The following GRM7 variants were observed in gnomAD, a reference collection of about 807,000 sequenced individuals.
The protein encoded by GRM7 is metabotropic glutamate receptor 7.
In GRM7, 35 loss-of-function variants were observed where a neutral mutation model predicts 84.5. The ratio of observed to expected loss-of-function variants is 0.41; its 90% CI spans 0.32 to 0.55. The LOEUF (loss-of-function observed/expected upper bound fraction) is 0.55. Among genes scored for constraint, GRM7 ranks in the 20% least tolerant of loss-of-function variants. The pLI, the probability that GRM7 is intolerant of heterozygous loss-of-function variation, is 0.19. For synonymous variants in GRM7, 487 were observed against 455.1 expected (o/e 1.07, Z -0.89); for missense variants, 1,003 against 1,194.6 (o/e 0.84, Z 2.36).
At chr3:7,638,330 G>C (rs189143114) in intron 8 of GRM7, among the ~76,000 whole-genome samples, 133 of 151,806 alleles carry the variant, frequency 8.8e-4, no homozygotes, top group South Asian at 3.7e-3. Flanking sequence ...CAGTAATTTA[G>C]TTTGCAATGC....
At chr3:7,724,685 T>G (rs568815139) in intron 9 of GRM7, among the ~76,000 whole-genome samples, 1 of 152,200 alleles carries the variant, frequency 6.6e-6, no homozygotes, top group Non-Finnish European at 1.5e-5. Context: ...GAACGTTGAG[T>G]TGGGGCCTGT....
chr3:7,493,025 T>C (rs1049051102), intron 7 of GRM7, among the ~76,000 whole-genome samples: 10 of 152,134 alleles, frequency 6.6e-5, no homozygotes, highest in African/African-American at 2.4e-4. Flanking sequence ...ATTTCATTGC[T>C]GTTCTAGAGC....
intron 1 of GRM7, among the ~76,000 whole-genome samples, chr3:6,989,160 A>G (rs1213443062): frequency 6.6e-6 from 1 of 152,216 alleles, no homozygotes; most frequent in East Asian, 1.9e-4. Context: ...CATTTTACAC[A>G]AAGAGATTTC....
At chr3:7,336,982 A>G (rs1439187532) in intron 4 of GRM7, among the ~76,000 whole-genome samples, 1 of 152,128 alleles carries the variant, frequency 6.6e-6, no homozygotes. Context: ...AAAGCAATCT[A>G]TAAATTCAAT....
intron 8 of GRM7, among the ~76,000 whole-genome samples, chr3:7,670,671 G>A (rs1260247599): frequency 0.011 from 1 of 90 alleles, no homozygotes; most frequent in Non-Finnish European, 0.023. Flanking sequence ...TGACAGCATT[G>A]TACTATACAA....
chr3:7,339,856 G>A (rs937999527), intron 4 of GRM7, among the ~76,000 whole-genome samples: 3 of 152,078 alleles, frequency 2.0e-5, no homozygotes, highest in African/African-American at 7.2e-5. Context: ...AGTATGAAAG[G>A]ATTCCAGTGA....
chr3:7,616,381 C>A (rs1261978657), intron 8 of GRM7, among the ~76,000 whole-genome samples: 1 of 152,126 alleles, frequency 6.6e-6, no homozygotes. Context: ...ACTTATCCTT[C>A]ATGAAATGTT....
chr3:6,980,804 C>T (rs1694169798), intron 1 of GRM7, among the ~76,000 whole-genome samples: 1 of 152,100 alleles, frequency 6.6e-6, no homozygotes, highest in Non-Finnish European at 1.5e-5. Context: ...TTGCTTATTA[C>T]CACAAAGAGA....
At chr3:7,495,179 A>C (rs1371767434) in intron 7 of GRM7, among the ~76,000 whole-genome samples, 1 of 151,948 alleles carries the variant, frequency 6.6e-6, no homozygotes, top group East Asian at 1.9e-4. Flanking sequence ...TTGCAGAGCT[A>C]TTTTTGCTAG....
chr3:7,611,699 G>A (rs564728195), intron 8 of GRM7, among the ~76,000 whole-genome samples: 43 of 152,066 alleles, frequency 2.8e-4, no homozygotes, highest in Non-Finnish European at 5.6e-4. Flanking sequence ...CATCAACTGG[G>A]AGCATTGTAG....
At chr3:7,378,425 A>G (rs1575245683) in intron 4 of GRM7, among the ~76,000 whole-genome samples, 1 of 152,218 alleles carries the variant, frequency 6.6e-6, no homozygotes, top group African/African-American at 2.4e-5. Flanking sequence ...TTCTACTTGC[A>G]TAAGCTAAAC....
intron 2 of GRM7, among the ~76,000 whole-genome samples, chr3:7,238,944 C>T: frequency 1.4e-5 from 2 of 141,824 alleles, no homozygotes; most frequent in Non-Finnish European, 1.5e-5. Context: ...TTGTTTTTCT[C>T]TTTTCCTTTT....
At chr3:7,022,899 C>T (rs146052641) in intron 1 of GRM7, among the ~76,000 whole-genome samples, 1 of 152,194 alleles carries the variant, frequency 6.6e-6, no homozygotes, top group East Asian at 1.9e-4. Context: ...ATGGAGGAGG[C>T]AGGCAGTAGT....
intron 2 of GRM7, among the ~76,000 whole-genome samples, chr3:7,237,098 C>T (rs1414316051): frequency 6.6e-6 from 1 of 152,126 alleles, no homozygotes; most frequent in Non-Finnish European, 1.5e-5. Context: ...AATTTCTTAT[C>T]TTCATTCACA....
chr3:7,645,681 C>G (rs1369253459), intron 8 of GRM7, among the ~76,000 whole-genome samples: 2 of 152,020 alleles, frequency 1.3e-5, no homozygotes, highest in East Asian at 3.8e-4. Context: ...AACTTGGCTC[C>G]TGGAGTGCAG....
Position 7,740,351 on chromosome 3 carries a change from T to C in GRM7, c.2699-6T>C. On this transcript the variant is annotated splice_polypyrimidine_tract_variant and splice_region_variant and intron_variant, in intron 9 of 9. Coordinates refer to ENST00000357716, the MANE Select transcript of GRM7 (RefSeq NM_000844.4). ...TGCAACTGACACTTTCTAATTTTTC[T>C]TTCAGGCCCTGCTGCAAAAAAGAAG... The C allele has an allele frequency of 1.3e-6, 2 of 1,574,234 alleles. No homozygotes were observed. The highest frequency in any genetic ancestry group is 1.7e-6 in the Non-Finnish European group (2 of 1,149,058).
intron 4 of GRM7, among the ~76,000 whole-genome samples, chr3:7,352,142 T>G (rs1693190134): frequency 6.7e-6 from 1 of 150,302 alleles, no homozygotes; most frequent in Non-Finnish European, 1.5e-5. Flanking sequence ...TGACTAATAT[T>G]TGGGGTTTCT....
chr3:6,938,927 T>G lies in GRM7; in HGVS notation c.519+77020T>G, dbSNP rs2125053866. Among the ~76,000 whole-genome samples the G allele has an allele frequency of 1.3e-5, 2 of 152,354 alleles. 1 individual carries two copies. The highest frequency in any genetic ancestry group is 1.3e-4 in the Admixed American group (2 of 15,304). Reference sequence around the variant, plus strand: ...TATTATAAAATGCCTGTTAAGGCACTTGCTGTTTATTTCTTAGTAGGCATT... The same window carrying G: ...TATTATAAAATGCCTGTTAAGGCACGTGCTGTTTATTTCTTAGTAGGCATT... On this transcript the variant is annotated intron_variant, in intron 1 of 9. Coordinates refer to ENST00000357716, the MANE Select transcript of GRM7 (RefSeq NM_000844.4).
intron 4 of GRM7, chr3:7,403,104 A>G (rs1300085726): frequency 2.4e-6 from 1 of 421,578 alleles, no homozygotes; most frequent in Admixed American, 2.6e-5. Flanking sequence ...TAAAAATAAA[A>G]CGTGAAGCTT....
Sources: allele counts gnomAD v4.1 joint callset (sites outside exome capture counted in the v4.1 genomes callset), GRCh38; gene constraint gnomAD v4.1.1; transcripts MANE v1.5; gene names NCBI Gene and HGNC (gene_info 2026-07-23, HGNC 2026-07-21).